Variants in CANX observed in about 807,000 individuals in gnomAD.
CANX encodes the protein epididymis secretory sperm binding protein.
A neutral mutation model predicts 75.7 loss-of-function variants in CANX; 14 were observed. The observed-to-expected ratio is 0.19, with a 90% CI of 0.12 to 0.29. The LOEUF (loss-of-function observed/expected upper bound fraction) is 0.29. Among genes scored for constraint, CANX ranks in the 10% least tolerant of loss-of-function variants. The probability of loss-of-function intolerance (pLI) is 1.00; values close to 1 mark genes in which losing one functional copy is unlikely to be tolerated. For synonymous variants in CANX, 227 were observed against 236.9 expected (o/e 0.96, Z 0.38); for missense variants, 567 against 713.2 (o/e 0.79, Z 2.34).
At chr5:179,682,531 A>G (rs1562430050) in intron 1 of CANX, among the ~76,000 whole-genome samples, 1 of 151,986 alleles carries the variant, frequency 6.6e-6, no homozygotes, top group Non-Finnish European at 1.5e-5. Flanking sequence ...ACCAACATGG[A>G]GAAACACCAT....
intron 4 of CANX, among the ~76,000 whole-genome samples, chr5:179,707,951 C>T (rs1003929324): frequency 1.3e-5 from 2 of 152,246 alleles, no homozygotes; most frequent in Non-Finnish European, 1.5e-5. Flanking sequence ...ATTCTCCTGC[C>T]TCAGCCTACC....
intron 1 of CANX, among the ~76,000 whole-genome samples, chr5:179,689,202 G>A (rs1190942403): frequency 6.6e-6 from 1 of 152,020 alleles, no homozygotes; most frequent in Admixed American, 6.6e-5. Flanking sequence ...AGCAGAGATC[G>A]TGCCACAGCA....
chr5:179,698,861 G>A (rs1319200422), upstream of CANX: 4 of 1,069,202 alleles, frequency 3.7e-6, no homozygotes, highest in South Asian at 1.7e-5. Flanking sequence ...CCAACCGGAT[G>A]TCGGGGCTTG....
At chr5:179,686,746 G>A (rs994515781) in intron 1 of CANX, among the ~76,000 whole-genome samples, 13 of 152,010 alleles carry the variant, frequency 8.6e-5, no homozygotes, top group African/African-American at 2.9e-4. Flanking sequence ...GATTACAGGC[G>A]TGAGCTACCA....
At chr5:179,696,560 G>A (rs751700625), upstream of CANX, among the ~76,000 whole-genome samples, 1 of 152,182 alleles carries the variant, frequency 6.6e-6, no homozygotes, top group Non-Finnish European at 1.5e-5. Context: ...ACAGGCGTGA[G>A]CCACTGTGCC....
chr5:179,728,480 C>T, intron 14 of CANX, 111 bp from the exon 15 acceptor site: 1 of 664,388 alleles, frequency 1.5e-6, no homozygotes, highest in Non-Finnish European at 2.7e-6. Context: ...TCATTTTCCT[C>T]ATTTTTTTCC....
rs1010922403 is a variant in CANX at position 179,730,651 on chromosome 5, C to T, written c.*2007C>T. On this transcript the variant is annotated 3_prime_UTR_variant, in exon 15 of 15. Coordinates refer to ENST00000247461, the MANE Select transcript of CANX (RefSeq NM_001746.4). ...GTTATTTAGTAAAGTTTGTTGAAAA[C>T]AAAAACGCCTTTTCTTGGTTCTTTT... 1 of 152,156 alleles carries T rather than the reference C, an allele frequency of 6.6e-6. No homozygotes were observed. The highest frequency in any genetic ancestry group is 1.5e-5 in the Non-Finnish European group (1 of 68,008). 9.4% of individuals were successfully genotyped at this position (152,156 alleles called of 1,614,324 possible). A position where few individuals can be genotyped will look rare whatever the true frequency, so the allele number is the denominator to read the frequency against.
intron 13 of CANX, among the ~76,000 whole-genome samples, chr5:179,726,417 A>G (rs566452162): frequency 6.6e-6 from 1 of 152,182 alleles, no homozygotes; most frequent in South Asian, 2.1e-4. Flanking sequence ...TCTACTAAAA[A>G]TAAAAAAAGT....
intron 1 of CANX, among the ~76,000 whole-genome samples, chr5:179,701,181 TG>T (rs1445959504): frequency 2.6e-5 from 4 of 152,150 alleles, no homozygotes; most frequent in African/African-American, 9.7e-5. Flanking sequence ...TGGTAGCTTT[TG>T]TCCCACTTTG....
chr5:179,709,273 G>T (rs529608337), intron 6 of CANX, among the ~76,000 whole-genome samples: 1 of 152,254 alleles, frequency 6.6e-6, no homozygotes, highest in South Asian at 2.1e-4. Context: ...AATTAGCCAG[G>T]CGTGGTGGCA....
At chr5:179,701,463 CGG>C (rs1776752137) in intron 1 of CANX, among the ~76,000 whole-genome samples, 1 of 151,304 alleles carries the variant, frequency 6.6e-6, no homozygotes, top group Non-Finnish European at 1.5e-5. Flanking sequence ...TCCAGCTACT[CGG>C]GAGGCTGAGG....
chr5:179,705,889 T>G (rs746791126), intron 2 of CANX, 37 bp downstream of exon 2: 13 of 1,563,084 alleles, frequency 8.3e-6, no homozygotes, highest in Non-Finnish European at 1.1e-5. Flanking sequence ...CTTTTACGTC[T>G]TGAGATGATA....
intron 1 of CANX, 91 bp downstream of exon 1, chr5:179,699,193 G>T (rs1036037591): frequency 1.2e-5 from 9 of 779,388 alleles, no homozygotes; most frequent in Admixed American, 6.3e-5. Flanking sequence ...GGCGTGGCCG[G>T]CGACTGAGGG....
chr5:179,698,668 C>G, upstream of CANX: 1 of 1,122,596 alleles, frequency 8.9e-7, no homozygotes, highest in South Asian at 1.3e-5. Context: ...CGCGGGAACG[C>G]CTGTTAAACC....
chr5:179,720,385 G>A lies in CANX; in HGVS notation c.1026-19G>A, dbSNP rs775751494. The stretch of plus-strand genomic sequence containing the variant: ...GCATCACAGAACCTGTTTATAATTT[G>A]TTGTTTGTACCTCCGTAGGGATGAA... On this transcript the variant is annotated intron_variant, in intron 9 of 14. Coordinates refer to ENST00000247461, the MANE Select transcript of CANX (RefSeq NM_001746.4). The A allele has an allele frequency of 9.3e-6, 15 of 1,610,700 alleles. No individual in the cohort carries two copies. In the South Asian group the frequency reaches 1.3e-4, roughly 14 times the overall value.
At chr5:179,686,484 GTTA>G (rs1342596523) in intron 1 of CANX, among the ~76,000 whole-genome samples, 3 of 150,936 alleles carry the variant, frequency 2.0e-5, no homozygotes, top group East Asian at 2.0e-4. Context: ...TTTTCTTGTT[GTTA>G]TTTTGAGACA....
rs1309112550 is a variant in CANX at position 179,729,545 on chromosome 5, C to T, written c.*901C>T. The T allele has an allele frequency of 1.3e-5, 2 of 152,724 alleles. No homozygotes were observed. The highest frequency in any genetic ancestry group is 1.5e-5 in the Non-Finnish European group (1 of 68,086). The allele number at this position is 152,724 out of a possible 1,614,324, so 9.5% of individuals were successfully genotyped here. On this transcript the variant is annotated 3_prime_UTR_variant, in exon 15 of 15. Transcript: ENST00000247461. The stretch of plus-strand genomic sequence containing the variant: ...TTTTCCTTACCTATTTCCTCAGATC[C>T]CCAGCTTTCTCCTCTGCTATGCATT...
At chr5:179,694,786 CAAAAAAAAAA>C, upstream of CANX, 2 of 389,896 alleles carry the variant, frequency 5.1e-6, no homozygotes, top group Non-Finnish European at 9.3e-6. Context: ...GTTTATCTGT[CAAAAAAAAAA>C]AAGTAAATGG....
upstream of CANX, among the ~76,000 whole-genome samples, chr5:179,695,743 C>G (rs909878691): frequency 6.6e-6 from 1 of 150,978 alleles, no homozygotes; most frequent in African/African-American, 2.4e-5. Context: ...CTCCGCCTTC[C>G]GGGTTCACAC....
Sources: gnomAD v4.1 joint callset for allele counts (sites outside exome capture counted in the v4.1 genomes callset) on GRCh38, gnomAD v4.1.1 for gene constraint, MANE v1.5 for transcripts, NCBI Gene and HGNC (gene_info 2026-07-23, HGNC 2026-07-21) for gene names.